The following PRKAG2 variants were observed in gnomAD, a reference collection of about 807,000 sequenced individuals.
The protein encoded by PRKAG2 is protein kinase AMP-activated non-catalytic subunit gamma 2.
Under a neutral mutation model 69.6 loss-of-function variants are expected in PRKAG2, and 26 were observed. The ratio of observed to expected loss-of-function variants is 0.37; its 90% CI spans 0.27 to 0.52. The LOEUF is 0.52. PRKAG2 is among the 20% of genes least tolerant of loss of function. The pLI, the probability that PRKAG2 is intolerant of heterozygous loss-of-function variation, is 0.90. For synonymous variants in PRKAG2, 293 were observed against 285.0 expected (o/e 1.03, Z -0.28); for missense variants, 557 against 740.0 (o/e 0.75, Z 2.87).
Position 151,807,496 on chromosome 7 carries a change from C to T in PRKAG2, c.115-20955G>A, listed in dbSNP as rs116345463. The T allele has an allele frequency of 1.1e-3, 519 of 457,866 alleles. 6 individuals carry two copies. Among genetic ancestry groups the T allele is most frequent in the African/African-American group, 8.9e-3 (447 of 50,200 alleles). 28.4% of individuals were successfully genotyped at this position (457,866 alleles called of 1,614,324 possible). On this transcript the variant is annotated intron_variant, in intron 1 of 15. Transcript: ENST00000287878. The surrounding 1 kb of genome is among the most constrained non-coding windows in gnomAD (Gnocchi z 4.4). The stretch of plus-strand genomic sequence containing the variant: ...CCATGGCGTGTTACACCTATCAGAT[C>T]GGGCACACTGCCCCTTCTTCCCAAC...
chr7:151,632,466 G>A lies in PRKAG2; in HGVS notation c.685-328C>T. On this transcript the variant is annotated intron_variant, in intron 4 of 15. Transcript: ENST00000287878. The surrounding 1 kb of genome is among the most constrained non-coding windows in gnomAD (Gnocchi z 4.2). ...CGGGAGCTCGAGGGCGGCAGCGCCT[G>A]GGCCCGGGGCGCCCCCCTCCGGCCG... is the stretch of plus-strand genomic sequence containing the variant. The A allele has an allele frequency of 1.4e-6, 1 of 725,614 alleles. No homozygotes were observed. Among genetic ancestry groups the A allele is most frequent in the Non-Finnish European group, 1.7e-6 (1 of 593,236 alleles). 44.9% of individuals were successfully genotyped at this position (725,614 alleles called of 1,614,324 possible).
chr7:151,708,776 C>T (rs1839046423), intron 3 of PRKAG2, among the ~76,000 whole-genome samples: 1 of 152,210 alleles, frequency 6.6e-6, no homozygotes. Context: ...CCGGCAGCTG[C>T]CTCTCTGGAG....
rs2077130415 is a variant in PRKAG2 at position 151,788,688 on chromosome 7, C to A, written c.115-2147G>T. On this transcript the variant is annotated intron_variant, in intron 1 of 15. Transcript: ENST00000287878. This position sits in a 1 kb window ranked among gnomAD's most constrained non-coding sequence, Gnocchi z 4.6. ...TCTAATTTGCCTTTTGTTGCCTGTG[C>A]TTTTGGTGTTGTATTCAAGAAATCA... Among the ~76,000 whole-genome samples the A allele has an allele frequency of 6.6e-6, 1 of 152,196 alleles. No homozygotes were observed.
chr7:151,658,133 G>C (rs1829739998), intron 4 of PRKAG2, among the ~76,000 whole-genome samples: 1 of 145,610 alleles, frequency 6.9e-6, no homozygotes, highest in Non-Finnish European at 1.5e-5. Context: ...ACTCCAGCCT[G>C]GTGACAGAGC....
At chr7:151,741,444 G>A (rs1317279315) in intron 3 of PRKAG2, among the ~76,000 whole-genome samples, 2 of 152,146 alleles carry the variant, frequency 1.3e-5, no homozygotes, top group South Asian at 2.1e-4. Flanking sequence ...TTGGGAGGCC[G>A]AGGCAGGTGG....
chr7:151,736,361 T>G (rs1334104201), intron 3 of PRKAG2: 2 of 1,037,086 alleles, frequency 1.9e-6, no homozygotes, highest in East Asian at 1.5e-4. Context: ...TAAGGTCAGC[T>G]GCTCACTGAT....
At chr7:151,611,585 A>G (rs1818880220) in intron 5 of PRKAG2, among the ~76,000 whole-genome samples, 1 of 152,188 alleles carries the variant, frequency 6.6e-6, no homozygotes, top group African/African-American at 2.4e-5. Flanking sequence ...GATCTGATCC[A>G]TGAGTGAGGC....
chr7:151,712,899 AT>A (rs142729059), intron 3 of PRKAG2, among the ~76,000 whole-genome samples: 5,658 of 152,284 alleles, frequency 0.037, 365 homozygotes, highest in African/African-American at 0.13. Flanking sequence ...TCCATCACTC[AT>A]TTTGGGTGCA....
intron 5 of PRKAG2, among the ~76,000 whole-genome samples, chr7:151,604,685 A>G (rs545860887): frequency 5.3e-5 from 8 of 152,274 alleles, no homozygotes; most frequent in African/African-American, 1.9e-4. Context: ...ATGTATTAAC[A>G]AAAGTCTCCA....
At chr7:151,794,270 C>T (rs375514410) in intron 1 of PRKAG2, among the ~76,000 whole-genome samples, 3 of 152,240 alleles carry the variant, frequency 2.0e-5, no homozygotes, top group Admixed American at 6.5e-5. Flanking sequence ...AGACATGAAA[C>T]TCTTTTTGCT....
intron 3 of PRKAG2, among the ~76,000 whole-genome samples, chr7:151,679,828 G>C (rs2151490117): frequency 6.6e-6 from 1 of 152,242 alleles, no homozygotes; most frequent in Admixed American, 6.5e-5. Flanking sequence ...ACTTTGGGAG[G>C]CTGAGGGAGA....
chr7:151,764,371 G>T (rs922636663), intron 3 of PRKAG2, among the ~76,000 whole-genome samples: 6 of 152,194 alleles, frequency 3.9e-5, no homozygotes, highest in African/African-American at 1.4e-4. Flanking sequence ...GAGACCCAGA[G>T]GTTGGCGCCC....
chr7:151,830,303 A>AGTCCCGCC lies in PRKAG2; in HGVS notation c.115-43770_115-43763dup, dbSNP rs1035847954. 5.3e-5 allele frequency among the ~76,000 whole-genome samples: 8 copies of AGTCCCGCC among 151,804 alleles called. 1 individual carries two copies. The highest frequency in any genetic ancestry group is 3.3e-4 in the Admixed American group (5 of 15,254). On this transcript the variant is annotated intron_variant, in intron 1 of 15. Coordinates refer to ENST00000287878, the MANE Select transcript of PRKAG2 (RefSeq NM_016203.4). ...CCGCCACCTGCACGGGCCAGAGCCAAGTCCCGCCACCTGCACTGTGCTGTG... is the reference window on the plus strand; with the variant it reads ...CCGCCACCTGCACGGGCCAGAGCCAAGTCCCGCCGTCCCGCCACCTGCACTGTGCTGTG...
intron 3 of PRKAG2, among the ~76,000 whole-genome samples, chr7:151,677,643 G>C (rs1042060539): frequency 2.0e-5 from 3 of 152,214 alleles, no homozygotes; most frequent in Non-Finnish European, 2.9e-5. Flanking sequence ...TGGCCTAAAG[G>C]GTTTTCTGTA....
rs536303761 is a variant in PRKAG2, at chr7:151,632,506, C to T, written c.685-368G>A. 6.4e-4 allele frequency: 591 copies of T among 920,494 alleles called. 4 individuals are homozygous for T. The African/African-American group carries it at 9.1e-3, about 14-fold the overall frequency. The allele number at this position is 920,494 out of a possible 1,614,324, so 57.0% of individuals were successfully genotyped here. A position where few individuals can be genotyped will look rare whatever the true frequency, so the allele number is the denominator to read the frequency against. The stretch of plus-strand genomic sequence containing the variant: ...CCCTCCGGCCGTGGCCCGCGTCCTC[C>T]CCGCCGTGCCGCCATTGGGAGAGGC... On this transcript the variant is annotated intron_variant, in intron 4 of 15. Coordinates refer to ENST00000287878, the MANE Select transcript of PRKAG2 (RefSeq NM_016203.4). The surrounding 1 kb of genome is among the most constrained non-coding windows in gnomAD (Gnocchi z 4.2).
At chr7:151,800,175 G>A (rs559886051) in intron 1 of PRKAG2, among the ~76,000 whole-genome samples, 1 of 152,016 alleles carries the variant, frequency 6.6e-6, no homozygotes, top group South Asian at 2.1e-4. Context: ...GGCTAACATG[G>A]TGAAACCCTG....
chr7:151,737,539 C>T (rs1054413567), intron 3 of PRKAG2, among the ~76,000 whole-genome samples: 1 of 152,162 alleles, frequency 6.6e-6, no homozygotes, highest in Non-Finnish European at 1.5e-5. Flanking sequence ...ACTGCAACGC[C>T]ATCAGTTTCT....
intron 3 of PRKAG2, among the ~76,000 whole-genome samples, chr7:151,755,108 G>A (rs2074993938): frequency 6.6e-6 from 1 of 152,156 alleles, no homozygotes; most frequent in Admixed American, 6.5e-5. Context: ...GGGGGTCGGG[G>A]GCTGGTCCTT....
rs533484928 is a variant in PRKAG2 at position 151,633,939 on chromosome 7, TA to T, written c.685-1802del. Among the ~76,000 whole-genome samples, 25 of 152,338 alleles carry T rather than the reference TA, an allele frequency of 1.6e-4. No individual in the cohort carries two copies. The South Asian group carries it at 5.0e-3, about 30-fold the overall frequency. On this transcript the variant is annotated intron_variant, in intron 4 of 15. Coordinates refer to ENST00000287878, the MANE Select transcript of PRKAG2 (RefSeq NM_016203.4). ...TCTAGAATTCTATTTATTTATTTAT[TA>T]TTTTTTTGAGACGGAGTCTCGCTCT... is the stretch of plus-strand genomic sequence containing the variant.
Sources: gnomAD v4.1 joint callset for allele counts (sites outside exome capture counted in the v4.1 genomes callset) on GRCh38, gnomAD v4.1.1 for gene constraint, Gnocchi (gnomAD v3.1) non-coding constraint, MANE v1.5 for transcripts, NCBI Gene and HGNC (gene_info 2026-07-23, HGNC 2026-07-21) for gene names.